Variants in TMEM107 observed in about 807,000 individuals in gnomAD.
The protein encoded by TMEM107 is transmembrane protein 107.
In TMEM107, 18 loss-of-function variants were observed where a neutral mutation model predicts 16.8. That is an observed-to-expected ratio of 1.07 (90% CI 0.74 to 1.59). The LOEUF is 1.59. TMEM107 is among the 40% of genes most tolerant of loss of function. The probability of loss-of-function intolerance (pLI) is 0.00; values close to 1 mark genes in which losing one functional copy is unlikely to be tolerated. For missense variants in TMEM107, 152 were observed against 175.4 expected, an observed-to-expected ratio of 0.87 and a Z score of 0.75; for synonymous variants, 68 against 71.6, an observed-to-expected ratio of 0.95 and a Z score of 0.25.
In TMEM107 at chr17:8,173,372, T is replaced by TTATCC; in HGVS notation, c.*826_*830dup. On this transcript the variant is annotated 3_prime_UTR_variant, in exon 5 of 5. Coordinates refer to ENST00000437139, the MANE Select transcript of TMEM107 (RefSeq NM_183065.4). ...ACTGCAAAATAGACAAACAGCAAGGTTATCCCAGTCAGAACTTCATAGCTA... is the reference window on the plus strand; with the variant it reads ...ACTGCAAAATAGACAAACAGCAAGGTTATCCTATCCCAGTCAGAACTTCATAGCTA... 1 of 662,956 alleles carries TTATCC rather than the reference T, an allele frequency of 1.5e-6. No individual in the cohort carries two copies. Among genetic ancestry groups the TTATCC allele is most frequent in the Non-Finnish European group, 2.8e-6 (1 of 358,690 alleles). 41.1% of individuals were successfully genotyped at this position (662,956 alleles called of 1,614,324 possible).
Position 8,175,953 on chromosome 17 carries a change from G to A in TMEM107, c.155+6C>T. 6.2e-7 allele frequency: 1 copy of A among 1,614,240 alleles called. No individual in the cohort carries two copies. Among genetic ancestry groups the A allele is most frequent in the Non-Finnish European group, 8.5e-7 (1 of 1,180,046 alleles). On this transcript the variant is annotated splice_donor_region_variant and intron_variant, in intron 2 of 4. Coordinates refer to ENST00000437139, the MANE Select transcript of TMEM107 (RefSeq NM_183065.4). ...TCGTTCTGGCCACCCCGTCCCAAGA[G>A]CTCACTGAATGTCCTGCTTGTCATA...
Position 8,173,528 on chromosome 17 carries a change from T to G in TMEM107, c.*675A>C. The G allele has an allele frequency of 1.3e-6, 1 of 765,400 alleles. No individual in the cohort carries two copies. The allele number at this position is 765,400 out of a possible 1,614,324, so 47.4% of individuals were successfully genotyped here. A position where few individuals can be genotyped will look rare whatever the true frequency, so the allele number is the denominator to read the frequency against. ...TTAATCACGTTTCATGCATCTCCAA[T>G]CATCATGTTCTAATCTGCCCTCCGG... is the stretch of plus-strand genomic sequence containing the variant. On this transcript the variant is annotated 3_prime_UTR_variant, in exon 5 of 5. Transcript: ENST00000437139.
chr17:8,175,318 C>T (rs1045705288), intron 3 of TMEM107: 9 of 281,220 alleles, frequency 3.2e-5, no homozygotes, highest in Admixed American at 5.0e-5. Context: ...CCACCTGCCT[C>T]GGCCTCCCAA....
rs774968275 is a variant in TMEM107 at position 8,176,189 on chromosome 17, G to C, written c.87+11C>G. The C allele has an allele frequency of 1.2e-6, 2 of 1,613,360 alleles. No homozygotes were observed. The highest frequency in any genetic ancestry group is 1.7e-6 in the Non-Finnish European group (2 of 1,179,254). ...GAATGGGGACGGATTGAGTGCAGCC[G>C]TGGGTCTTACCCGGGACCAGAATAA... On this transcript the variant is annotated intron_variant, in intron 1 of 4. Coordinates refer to ENST00000437139, the MANE Select transcript of TMEM107 (RefSeq NM_183065.4).
In TMEM107 at chr17:8,173,453, A is replaced by G; in HGVS notation, c.*750T>C. 1.3e-6 allele frequency: 1 copy of G among 763,266 alleles called. No individual in the cohort carries two copies. Among genetic ancestry groups the G allele is most frequent in the Non-Finnish European group, 2.4e-6 (1 of 417,270 alleles). The allele number at this position is 763,266 out of a possible 1,614,324, so 47.3% of individuals were successfully genotyped here. A position where few individuals can be genotyped will look rare whatever the true frequency, so the allele number is the denominator to read the frequency against. On this transcript the variant is annotated 3_prime_UTR_variant, in exon 5 of 5. Transcript: ENST00000437139. ...ACAAATGTAAGTGATCGTCAGAAAG[A>G]ATCAGACAGGAGCAATCAGGGTGTT... is the stretch of plus-strand genomic sequence containing the variant.
rs748194464 is a variant in TMEM107, at chr17:8,176,260, G to A, written c.27C>T (p.Pro9=). 7.4e-6 allele frequency: 12 copies of A among 1,613,974 alleles called. No homozygotes were observed. The South Asian group carries it at 9.9e-5, about 13-fold the overall frequency. The change falls in exon 1 of 5, where the codon CCC becomes CCT. Residue 9 remains proline, a synonymous_variant. Transcript: ENST00000437139. ...GCGCCAGGAGCGTCAGGAAGCGAGA[G>A]GGCACAAGCCCTGAGACCCGGCCCA... MGRVSGLV[P]SRFLTLLAHL...
Position 8,173,272 on chromosome 17 carries a change from A to G in TMEM107, c.*931T>C, listed in dbSNP as rs1983706297. 7.6e-6 allele frequency: 4 copies of G among 526,886 alleles called. No individual in the cohort carries two copies. Among genetic ancestry groups the G allele is most frequent in the South Asian group, 5.2e-5 (2 of 38,768 alleles). 32.6% of individuals were successfully genotyped at this position (526,886 alleles called of 1,614,324 possible). ...TTCACTGCCTAAATTCCAGAAAGCA[A>G]CAAAAACCAAATCACAATTTTCAAG... is the stretch of plus-strand genomic sequence containing the variant. On this transcript the variant is annotated 3_prime_UTR_variant, in exon 5 of 5. Transcript: ENST00000437139.
At chr17:8,175,510 T>C (rs1255752684) in intron 3 of TMEM107, 2 of 612,650 alleles carry the variant, frequency 3.3e-6, no homozygotes, top group Non-Finnish European at 5.8e-6. Context: ...GTTCTCACTA[T>C]GTTGCCTCCT....
rs1555525627 is a variant in TMEM107, at chr17:8,173,551, C to CGAAGGA, written c.*651_*652insTCCTTC. On this transcript the variant is annotated 3_prime_UTR_variant, in exon 5 of 5. Coordinates refer to ENST00000437139, the MANE Select transcript of TMEM107 (RefSeq NM_183065.4). ...AATCATCATGTTCTAATCTGCCCTC[C>CGAAGGA]GGAGGAGGAACAGGTAAGGATTATC... 7.8e-6 allele frequency: 6 copies of CGAAGGA among 765,142 alleles called. No homozygotes were observed. Among genetic ancestry groups the CGAAGGA allele is most frequent in the Non-Finnish European group, 1.4e-5 (6 of 417,858 alleles). 47.4% of individuals were successfully genotyped at this position (765,142 alleles called of 1,614,324 possible).
rs1003951650 is a variant in TMEM107, at chr17:8,173,224, A to C, written c.*979T>G. Reference sequence around the variant, plus strand: ...GGATTAAAGTTATCAAACGACAAAAAACAAAGAGCCCATTTGTATTATTTC... The same window carrying C: ...GGATTAAAGTTATCAAACGACAAAACACAAAGAGCCCATTTGTATTATTTC... On this transcript the variant is annotated 3_prime_UTR_variant, in exon 5 of 5. Transcript: ENST00000437139. 1.3e-5 allele frequency: 6 copies of C among 447,504 alleles called. No individual in the cohort carries two copies. The highest frequency in any genetic ancestry group is 1.2e-4 in the South Asian group (4 of 33,606). 27.7% of individuals were successfully genotyped at this position (447,504 alleles called of 1,614,324 possible).
chr17:8,175,437 T>C (rs1258638035), intron 3 of TMEM107: 2 of 570,414 alleles, frequency 3.5e-6, no homozygotes, highest in African/African-American at 1.9e-5. Context: ...TGTATCTACC[T>C]CCTCCTCATT....
intron 3 of TMEM107, 144 bp downstream of exon 3, chr17:8,175,613 C>G: frequency 1.2e-6 from 1 of 828,508 alleles, no homozygotes. Flanking sequence ...TTTTAAGTGC[C>G]TAGTAAACAG....
At position 8,173,582 on chromosome 17, in the gene TMEM107, T is replaced by G. The variant is rs202130315; in HGVS notation, c.*621A>C. ...AGGAACAGGTAAGGATTATCCCACC[T>G]GACGATACAGACAAACAGCCGACAT... is the stretch of plus-strand genomic sequence containing the variant. On this transcript the variant is annotated 3_prime_UTR_variant, in exon 5 of 5. Transcript: ENST00000437139. 3 of 764,370 alleles carry G rather than the reference T, an allele frequency of 3.9e-6. No individual in the cohort carries two copies. Among genetic ancestry groups the G allele is most frequent in the East Asian group, 2.4e-5 (1 of 41,230 alleles). The allele number at this position is 764,370 out of a possible 1,614,324, so 47.3% of individuals were successfully genotyped here.
chr17:8,175,899 TC>T, intron 2 of TMEM107, 42 bp from the exon 3 acceptor site: 1 of 1,613,908 alleles, frequency 6.2e-7, no homozygotes, highest in Non-Finnish European at 8.5e-7. Context: ...TTGGACTTAT[TC>T]TAAGACCCCT....
At position 8,173,405 on chromosome 17, in the gene TMEM107, G is replaced by A. The variant is rs529961713; in HGVS notation, c.*798C>T. On this transcript the variant is annotated 3_prime_UTR_variant, in exon 5 of 5. Coordinates refer to ENST00000437139, the MANE Select transcript of TMEM107 (RefSeq NM_183065.4). ...GTCAGAACTTCATAGCTATGTTTGT[G>A]GATATCTGCTAATCAGCATAACACA... 72 of 726,262 alleles carry A rather than the reference G, an allele frequency of 9.9e-5. 1 individual carries two copies. The highest frequency in any genetic ancestry group is 3.0e-4 in the South Asian group (21 of 70,244). The allele number at this position is 726,262 out of a possible 1,614,324, so 45.0% of individuals were successfully genotyped here.
Position 8,173,899 on chromosome 17 carries a change from A to C in TMEM107, c.*304T>G. 2.0e-6 allele frequency: 1 copy of C among 491,752 alleles called. No individual in the cohort carries two copies. The highest frequency in any genetic ancestry group is 2.6e-5 in the South Asian group (1 of 38,068). The allele number at this position is 491,752 out of a possible 1,614,324, so 30.5% of individuals were successfully genotyped here. A position where few individuals can be genotyped will look rare whatever the true frequency, so the allele number is the denominator to read the frequency against. Reference sequence around the variant, plus strand: ...AGTAACCAAAATAGAAGCGATACCAAGTATCTTACGGTCTGCAGGACTAGA... The same window carrying C: ...AGTAACCAAAATAGAAGCGATACCACGTATCTTACGGTCTGCAGGACTAGA... On this transcript the variant is annotated 3_prime_UTR_variant, in exon 5 of 5. Coordinates refer to ENST00000437139, the MANE Select transcript of TMEM107 (RefSeq NM_183065.4).
At chr17:8,175,393 A>G (rs1598276598) in intron 3 of TMEM107, 1 of 474,190 alleles carries the variant, frequency 2.1e-6, no homozygotes, top group Non-Finnish European at 3.9e-6. Context: ...ACACACTTCT[A>G]TAGCACAGTG....
Position 8,173,365 on chromosome 17 carries a change from A to T in TMEM107, c.*838T>A, listed in dbSNP as rs1206964159. ...TAGCAAGACTGCAAAATAGACAAAC[A>T]GCAAGGTTATCCCAGTCAGAACTTC... On this transcript the variant is annotated 3_prime_UTR_variant, in exon 5 of 5. Coordinates refer to ENST00000437139, the MANE Select transcript of TMEM107 (RefSeq NM_183065.4). 1.6e-6 allele frequency: 1 copy of T among 639,824 alleles called. No individual in the cohort carries two copies. The highest frequency in any genetic ancestry group is 2.9e-6 in the Non-Finnish European group (1 of 347,466). The allele number at this position is 639,824 out of a possible 1,614,324, so 39.6% of individuals were successfully genotyped here.
rs1983680361 is a variant in TMEM107 at position 8,173,122 on chromosome 17, A to C, written c.*1081T>G. ...GGAAAAAGAAATACAGTTCCTATTG[A>C]ATACCATCCTGAGGGCAACCACCAT... On this transcript the variant is annotated 3_prime_UTR_variant, in exon 5 of 5. Transcript: ENST00000437139. 3.3e-5 allele frequency: 8 copies of C among 243,946 alleles called. No individual in the cohort carries two copies. In the South Asian group the frequency reaches 3.7e-4, roughly 11 times the overall value. The allele number at this position is 243,946 out of a possible 1,614,324, so 15.1% of individuals were successfully genotyped here. A position where few individuals can be genotyped will look rare whatever the true frequency, so the allele number is the denominator to read the frequency against.
Sources: allele counts gnomAD v4.1 joint callset, GRCh38; gene constraint gnomAD v4.1.1; transcripts MANE v1.5; gene names NCBI Gene and HGNC (gene_info 2026-07-23, HGNC 2026-07-21).